Variants in ERG observed in about 807,000 individuals in gnomAD.
ERG encodes transcriptional regulator ERG.
A neutral mutation model predicts 55.3 loss-of-function variants in ERG; 9 were observed. The observed-to-expected ratio is 0.16, with a 90% CI of 0.10 to 0.28. The LOEUF is 0.28. Among genes scored for constraint, ERG ranks in the 10% least tolerant of loss-of-function variants. ERG has a pLI of 1.00. For synonymous variants in ERG, 223 were observed against 237.3 expected (o/e 0.94, Z 0.55); for missense variants, 434 against 631.6 (o/e 0.69, Z 3.35).
intron 1 of ERG, among the ~76,000 whole-genome samples, chr21:38,597,234 C>G (rs1232542951): frequency 6.6e-6 from 1 of 151,986 alleles, no homozygotes; most frequent in Admixed American, 6.6e-5. Flanking sequence ...TATGTATATA[C>G]ACATATGTAC....
rs553323285 is a variant in ERG at position 38,460,370 on chromosome 21, G to C, written c.19-14749C>G. ...AAAAGCCCGGGAATTGTCTTCTTCTGTGTTGCACTAATATTTTCCATCTCA... is the reference window on the plus strand; with the variant it reads ...AAAAGCCCGGGAATTGTCTTCTTCTCTGTTGCACTAATATTTTCCATCTCA... On this transcript the variant is annotated intron_variant, in intron 1 of 9. Coordinates refer to ENST00000288319, the MANE Select transcript of ERG (RefSeq NM_182918.4). The surrounding 1 kb of genome is among the most constrained non-coding windows in gnomAD (Gnocchi z 5.0). Among the ~76,000 whole-genome samples the C allele has an allele frequency of 1.3e-5, 2 of 152,336 alleles. No homozygotes were observed. Among genetic ancestry groups the C allele is most frequent in the Admixed American group, 6.5e-5 (1 of 15,302 alleles).
intron 1 of ERG, among the ~76,000 whole-genome samples, chr21:38,483,736 G>A (rs2410033): frequency 0.08 from 12,104 of 152,108 alleles, 603 homozygotes; most frequent in East Asian, 0.19. Flanking sequence ...GGTGGCACAC[G>A]TCTGTAGTCC....
At chr21:38,588,258 T>A (rs2060078785), upstream of ERG, among the ~76,000 whole-genome samples, 2 of 151,710 alleles carry the variant, frequency 1.3e-5, no homozygotes, top group Admixed American at 6.6e-5. Context: ...CAATCACCCC[T>A]GGTCCAGCAA....
intron 1 of ERG, among the ~76,000 whole-genome samples, chr21:38,592,057 G>T (rs2060103626): frequency 6.6e-6 from 1 of 152,230 alleles, no homozygotes; most frequent in Admixed American, 6.5e-5. Flanking sequence ...CAATGGTGGG[G>T]TCAGTTCTGG....
rs559703222 is a variant in ERG, at chr21:38,482,903, C to G, written c.18+15460G>C. 3.4e-4 allele frequency among the ~76,000 whole-genome samples: 52 copies of G among 152,280 alleles called. No individual in the cohort carries two copies. The East Asian group carries it at 8.9e-3, about 26-fold the overall frequency. On this transcript the variant is annotated intron_variant, in intron 1 of 9. Transcript: ENST00000288319. ...ATGTTGGCCAGGCTGGTCTCGAACT[C>G]CTGGCCTCAAGTGATCCACCTACCG...
chr21:38,368,278 T>C, the ERG span, among the ~76,000 whole-genome samples: 1 of 152,210 alleles, frequency 6.6e-6, no homozygotes, highest in Non-Finnish European at 1.5e-5. Context: ...TACCATTGCA[T>C]GACCCCTAAA....
At chr21:38,505,063 G>A (rs1157407132) in intron 2 of ERG, among the ~76,000 whole-genome samples, 3 of 152,152 alleles carry the variant, frequency 2.0e-5, no homozygotes, top group African/African-American at 7.2e-5. Flanking sequence ...TTAGTTTTCG[G>A]TTGAGGTGGG....
intron 2 of ERG, among the ~76,000 whole-genome samples, chr21:38,423,818 T>A (rs979822050): frequency 3.3e-5 from 5 of 151,980 alleles, no homozygotes; most frequent in Admixed American, 1.3e-4. Context: ...AAACCCCGTC[T>A]CTACTAAAAA....
intron 1 of ERG, among the ~76,000 whole-genome samples, chr21:38,619,657 G>A (rs1025737794): frequency 1.3e-5 from 2 of 152,180 alleles, no homozygotes; most frequent in African/African-American, 4.8e-5. Context: ...TGTTTATAGG[G>A]CCAGAATTTA....
At chr21:38,578,556 A>G (rs770796160) in intron 1 of ERG, among the ~76,000 whole-genome samples, 19 of 152,302 alleles carry the variant, frequency 1.2e-4, no homozygotes, top group Non-Finnish European at 2.1e-4. Context: ...GAGGCAGGAC[A>G]TGTTCCCCTT....
chr21:38,383,179 G>T lies in ERG; in HGVS notation c.*224C>A. On this transcript the variant is annotated 3_prime_UTR_variant, in exon 10 of 10. Coordinates refer to ENST00000288319, the MANE Select transcript of ERG (RefSeq NM_182918.4). This position sits in a 1 kb window ranked among gnomAD's most constrained non-coding sequence, Gnocchi z 5.7. ...TCTTTTACAAGGTCAGTCCACAGAT[G>T]ATATGTCCATATTCGTGACATTTTT... 1 of 1,262,584 alleles carries T rather than the reference G, an allele frequency of 7.9e-7. No individual in the cohort carries two copies. The highest frequency in any genetic ancestry group is 1.0e-6 in the Non-Finnish European group (1 of 1,004,936). The allele number at this position is 1,262,584 out of a possible 1,614,324, so 78.2% of individuals were successfully genotyped here. A position where few individuals can be genotyped will look rare whatever the true frequency, so the allele number is the denominator to read the frequency against.
intron 2 of ERG, among the ~76,000 whole-genome samples, chr21:38,508,404 A>G (rs2059486082): frequency 6.6e-6 from 1 of 152,190 alleles, no homozygotes; most frequent in Non-Finnish European, 1.5e-5. Context: ...TCAATAAAAA[A>G]AAAATACCGG....
intron 1 of ERG, among the ~76,000 whole-genome samples, chr21:38,614,294 T>C (rs2060246127): frequency 6.6e-6 from 1 of 152,212 alleles, no homozygotes; most frequent in Admixed American, 6.5e-5. Flanking sequence ...CATTCTCCCC[T>C]TGTTCTTACA....
chr21:38,541,489 CA>C (rs2059751908), intron 2 of ERG, among the ~76,000 whole-genome samples: 2 of 152,146 alleles, frequency 1.3e-5, no homozygotes, highest in African/African-American at 4.8e-5. Context: ...GCCACTTGCT[CA>C]AGTGTAAAAT....
At chr21:38,384,075 G>T in intron 9 of ERG, 152 bp from the exon 10 acceptor site, 3 of 1,094,040 alleles carry the variant, frequency 2.7e-6, no homozygotes, top group Non-Finnish European at 2.5e-6. Flanking sequence ...CAGGGGTGCG[G>T]ACTGCTCTCG....
chr21:38,425,349 C>G (rs866915723), intron 2 of ERG, among the ~76,000 whole-genome samples: 5 of 151,798 alleles, frequency 3.3e-5, no homozygotes, highest in South Asian at 2.1e-4. Flanking sequence ...GGCGCCATTG[C>G]ACTCCAGCCT....
At chr21:38,562,096 C>A (rs2059896385) in intron 2 of ERG, among the ~76,000 whole-genome samples, 3 of 152,190 alleles carry the variant, frequency 2.0e-5, no homozygotes. Context: ...TGCAAGCTCA[C>A]TATTATTTAG....
chr21:38,413,427 CAT>C (rs1989146281), intron 3 of ERG, among the ~76,000 whole-genome samples: 1 of 152,162 alleles, frequency 6.6e-6, no homozygotes. Flanking sequence ...CATCCTAACT[CAT>C]GTTATGCTTT....
intron 2 of ERG, among the ~76,000 whole-genome samples, chr21:38,547,036 T>A (rs932113674): frequency 6.6e-6 from 1 of 152,160 alleles, no homozygotes; most frequent in African/African-American, 2.4e-5. Flanking sequence ...GTAGGTCACT[T>A]CCTGCCATTT....
Sources: allele counts gnomAD v4.1 joint callset (sites outside exome capture counted in the v4.1 genomes callset), GRCh38; gene constraint gnomAD v4.1.1; non-coding constraint Gnocchi (gnomAD v3.1); transcripts MANE v1.5; gene names NCBI Gene and HGNC (gene_info 2026-07-23, HGNC 2026-07-21).